The following ENTPD1 variants were observed in gnomAD, a reference collection of about 807,000 sequenced individuals.
The protein encoded by ENTPD1 is ATP diphosphohydrolase.
Under a neutral mutation model 57.0 loss-of-function variants are expected in ENTPD1, and 33 were observed. The observed-to-expected ratio is 0.58, with a 90% CI of 0.44 to 0.77. The LOEUF (loss-of-function observed/expected upper bound fraction) is 0.77. Among genes scored for constraint, ENTPD1 ranks in the 30% least tolerant of loss-of-function variants. The pLI is 0.00. For missense variants in ENTPD1, 501 were observed against 603.4 expected (o/e 0.83, Z 1.78); for synonymous variants, 202 against 218.8 (o/e 0.92, Z 0.68).
chr10:95,757,921 C>G (rs990780955), intron 1 of ENTPD1, among the ~76,000 whole-genome samples: 7 of 147,900 alleles, frequency 4.7e-5, no homozygotes, highest in African/African-American at 1.8e-4. Flanking sequence ...AGGAGAATCA[C>G]CTGAACCCGG....
chr10:95,761,759 A>G (rs931683128), intron 1 of ENTPD1, among the ~76,000 whole-genome samples: 5 of 152,156 alleles, frequency 3.3e-5, no homozygotes, highest in African/African-American at 1.2e-4. Flanking sequence ...AAGCTTCCCT[A>G]AACTTCCCTT....
upstream of ENTPD1, among the ~76,000 whole-genome samples, chr10:95,709,996 ACT>A (rs1566083280): frequency 1.3e-5 from 2 of 151,550 alleles, no homozygotes; most frequent in Admixed American, 6.6e-5. Context: ...CTGGTCTCGA[ACT>A]CCTGACCTTA....
At chr10:95,757,996 C>T (rs1197717298) in intron 1 of ENTPD1, among the ~76,000 whole-genome samples, 11 of 67,378 alleles carry the variant, frequency 1.6e-4, no homozygotes, top group Non-Finnish European at 2.6e-4. Context: ...GAGTGAGACA[C>T]TGTCTCAAAA....
intron 1 of ENTPD1, among the ~76,000 whole-genome samples, chr10:95,819,180 T>G: frequency 6.6e-6 from 1 of 152,212 alleles, no homozygotes; most frequent in Non-Finnish European, 1.5e-5. Context: ...TTGTTTGTTT[T>G]GGAGACAGGG....
At chr10:95,755,261 G>T, upstream of ENTPD1, 1 of 171,450 alleles carries the variant, frequency 5.8e-6, no homozygotes, top group Non-Finnish European at 1.3e-5. Context: ...ACCTCTTTTA[G>T]ACTCAATGTC....
At chr10:95,713,270 C>G (rs2097967900) in intron 1 of ENTPD1, among the ~76,000 whole-genome samples, 1 of 152,120 alleles carries the variant, frequency 6.6e-6, no homozygotes. Context: ...AAATTCTAAT[C>G]ATCAGTGGCC....
intron 1 of ENTPD1, among the ~76,000 whole-genome samples, chr10:95,792,883 T>G (rs1944722058): frequency 6.6e-6 from 1 of 152,182 alleles, no homozygotes; most frequent in African/African-American, 2.4e-5. Context: ...AATTCATGGC[T>G]TTGGTGTGCG....
chr10:95,867,499 G>A lies in ENTPD1; in HGVS notation c.*1116G>A. ...TTTCCAAGGTTTAATTTAGTGAGAG[G>A]GCAGCATTAGTGTGGAGTGGCATGC... On this transcript the variant is annotated 3_prime_UTR_variant, in exon 10 of 10. Coordinates refer to ENST00000371205, the MANE Select transcript of ENTPD1 (RefSeq NM_001776.6). The A allele has an allele frequency of 2.0e-6, 2 of 985,462 alleles. No homozygotes were observed. The highest frequency in any genetic ancestry group is 2.4e-6 in the Non-Finnish European group (2 of 829,934). The allele number at this position is 985,462 out of a possible 1,614,324, so 61.0% of individuals were successfully genotyped here. A position where few individuals can be genotyped will look rare whatever the true frequency, so the allele number is the denominator to read the frequency against.
upstream of ENTPD1, among the ~76,000 whole-genome samples, chr10:95,709,982 C>T (rs1315233785): frequency 1.3e-5 from 2 of 151,992 alleles, no homozygotes; most frequent in African/African-American, 4.8e-5. Context: ...CCATGTTGAC[C>T]AGGCTGGTCT....
At chr10:95,842,740 G>A (rs1335567095) in intron 4 of ENTPD1, among the ~76,000 whole-genome samples, 1 of 152,140 alleles carries the variant, frequency 6.6e-6, no homozygotes, top group African/African-American at 2.4e-5. Flanking sequence ...GGATTCAAAG[G>A]GGAAGGGGCA....
intron 7 of ENTPD1, among the ~76,000 whole-genome samples, chr10:95,855,156 T>G (rs911937453): frequency 5.9e-5 from 9 of 152,212 alleles, no homozygotes; most frequent in Admixed American, 5.2e-4. Context: ...GATAGTTAGC[T>G]CTTCTTGTTG....
chr10:95,768,763 A>T (rs1167224201), intron 1 of ENTPD1, among the ~76,000 whole-genome samples: 1 of 152,146 alleles, frequency 6.6e-6, no homozygotes, highest in Non-Finnish European at 1.5e-5. Context: ...TTCCTGCTTC[A>T]TATCTATTTT....
chr10:95,799,522 C>A lies in ENTPD1; in HGVS notation c.17-23715C>A, dbSNP rs559726768. The stretch of plus-strand genomic sequence containing the variant: ...AGTATTCTGTGGTGTATATGTACCA[C>A]ATTTTCTTTATCTGGTCTATGATTG... On this transcript the variant is annotated intron_variant, in intron 1 of 9. Transcript: ENST00000371205. Among the ~76,000 whole-genome samples the A allele has an allele frequency of 7.9e-5, 12 of 152,240 alleles. No individual in the cohort carries two copies. In the East Asian group the frequency reaches 2.3e-3, roughly 29 times the overall value.
intron 7 of ENTPD1, among the ~76,000 whole-genome samples, chr10:95,858,102 A>G (rs2098458591): frequency 6.6e-6 from 1 of 151,246 alleles, no homozygotes; most frequent in Non-Finnish European, 1.5e-5. Flanking sequence ...GCTTGCAGTG[A>G]GCCGAGATCG....
upstream of ENTPD1, chr10:95,755,544 C>G (rs1404698574): frequency 7.4e-5 from 48 of 652,910 alleles, no homozygotes; most frequent in Non-Finnish European, 1.0e-5. Context: ...TGACTTTCAT[C>G]AATTCATAGC....
chr10:95,842,204 G>A (rs2098423973), intron 3 of ENTPD1, 140 bp from the exon 4 acceptor site: 1 of 767,706 alleles, frequency 1.3e-6, no homozygotes, highest in African/African-American at 1.8e-5. Context: ...TACCCTCTAA[G>A]TACAATAACC....
At chr10:95,753,545 A>G (rs1362971409), upstream of ENTPD1, 2 of 152,388 alleles carry the variant, frequency 1.3e-5, no homozygotes, top group African/African-American at 4.8e-5. Context: ...TCTCCTGGTT[A>G]AACCAGAAGT....
intron 1 of ENTPD1, among the ~76,000 whole-genome samples, chr10:95,750,437 C>T (rs919104271): frequency 5.9e-5 from 9 of 152,126 alleles, no homozygotes; most frequent in African/African-American, 1.9e-4. Flanking sequence ...CTTTCTCTCT[C>T]GTGCTCCCTC....
rs146607536 is a variant in ENTPD1 at position 95,766,654 on chromosome 10, T to A, written c.16+10399T>A. On this transcript the variant is annotated intron_variant, in intron 1 of 9. Transcript: ENST00000371205. ...TCATTTGGCTGATATATTTTGTCCA[T>A]CTTTATTTTTAATCTTTCTAAATCC... 7.9e-5 allele frequency among the ~76,000 whole-genome samples: 12 copies of A among 152,338 alleles called. No homozygotes were observed. In the East Asian group the frequency reaches 1.7e-3, roughly 22 times the overall value.
Sources: allele counts gnomAD v4.1 joint callset (sites outside exome capture counted in the v4.1 genomes callset), GRCh38; gene constraint gnomAD v4.1.1; transcripts MANE v1.5; gene names NCBI Gene and HGNC (gene_info 2026-07-23, HGNC 2026-07-21).